Variants in RPS6KA2 observed in about 807,000 individuals in gnomAD.
The protein encoded by RPS6KA2 is ribosomal protein S6 kinase A2.
Under a neutral mutation model 91.8 loss-of-function variants are expected in RPS6KA2, and 42 were observed. The observed-to-expected ratio is 0.46, with a 90% CI of 0.36 to 0.59. The LOEUF (loss-of-function observed/expected upper bound fraction) is 0.59. Ranked by LOEUF, RPS6KA2 falls within the 20% of genes least tolerant of loss-of-function variation. The probability of loss-of-function intolerance (pLI) is 0.00; values close to 1 mark genes in which losing one functional copy is unlikely to be tolerated. For missense variants in RPS6KA2, 798 were observed against 978.5 expected, an observed-to-expected ratio of 0.82 and a Z score of 2.46; for synonymous variants, 414 against 393.6, an observed-to-expected ratio of 1.05 and a Z score of -0.61.
At chr6:166,756,770 C>T (rs748814201) in intron 2 of RPS6KA2, among the ~76,000 whole-genome samples, 7 of 152,152 alleles carry the variant, frequency 4.6e-5, no homozygotes, top group South Asian at 2.1e-4. Flanking sequence ...TGCTTGAACC[C>T]GGGAGGCGGA....
At chr6:166,861,968 C>G (rs1781056572) in intron 1 of RPS6KA2, 7 of 1,045,518 alleles carry the variant, frequency 6.7e-6, no homozygotes, top group African/African-American at 1.6e-5. Flanking sequence ...TATACATCCA[C>G]ACACACTGGA....
intron 2 of RPS6KA2, among the ~76,000 whole-genome samples, chr6:166,664,754 T>C (rs1788267982): frequency 6.6e-6 from 1 of 152,198 alleles, no homozygotes; most frequent in Non-Finnish European, 1.5e-5. Flanking sequence ...AAGAAAATAT[T>C]CTATTAAGTG....
chr6:166,791,782 A>C (rs1191985175), intron 2 of RPS6KA2, among the ~76,000 whole-genome samples: 1 of 151,616 alleles, frequency 6.6e-6, no homozygotes, highest in Non-Finnish European at 1.5e-5. Flanking sequence ...ACATAACGAA[A>C]TGAAGGCAGA....
intron 2 of RPS6KA2, among the ~76,000 whole-genome samples, chr6:166,646,068 T>C (rs1787591959): frequency 6.6e-6 from 1 of 152,206 alleles, no homozygotes. Flanking sequence ...TGATAGCTCC[T>C]ATTGTTAGGG....
intron 2 of RPS6KA2, among the ~76,000 whole-genome samples, chr6:166,651,942 G>A (rs1409651338): frequency 2.6e-5 from 4 of 152,250 alleles, no homozygotes; most frequent in East Asian, 1.9e-4. Context: ...ACGTGGAGCC[G>A]GGATGCAGGA....
chr6:166,452,699 G>C (rs1159407668), intron 12 of RPS6KA2, among the ~76,000 whole-genome samples: 1 of 152,086 alleles, frequency 6.6e-6, no homozygotes, highest in Admixed American at 6.6e-5. Flanking sequence ...AAACTTTGTG[G>C]GGAAAAGACA....
intron 17 of RPS6KA2, among the ~76,000 whole-genome samples, chr6:166,422,251 C>A (rs1018548601): frequency 6.6e-6 from 1 of 152,160 alleles, no homozygotes; most frequent in Non-Finnish European, 1.5e-5. Flanking sequence ...TCTGGATGAC[C>A]CCTGCATAAC....
intron 2 of RPS6KA2, among the ~76,000 whole-genome samples, chr6:166,672,311 C>T (rs925209018): frequency 6.6e-6 from 1 of 152,140 alleles, no homozygotes; most frequent in African/African-American, 2.4e-5. Flanking sequence ...AAGCCGCCAA[C>T]ATTCAGGGAA....
intron 2 of RPS6KA2, among the ~76,000 whole-genome samples, chr6:166,680,456 G>A (rs948392533): frequency 2.0e-5 from 3 of 152,142 alleles, no homozygotes; most frequent in African/African-American, 4.8e-5. Context: ...CCCCTTCCAC[G>A]TTGTGGAAGG....
intron 1 of RPS6KA2, among the ~76,000 whole-genome samples, chr6:166,593,572 A>G (rs577355962): frequency 6.6e-6 from 1 of 152,220 alleles, no homozygotes; most frequent in African/African-American, 2.4e-5. Context: ...TAATTTATAA[A>G]GGAAATAATT....
intron 13 of RPS6KA2, among the ~76,000 whole-genome samples, chr6:166,450,187 C>T (rs1779839485): frequency 8.3e-6 from 1 of 120,886 alleles, no homozygotes; most frequent in Non-Finnish European, 1.7e-5. Context: ...ACCACCACAA[C>T]AGGGATCACC....
intron 2 of RPS6KA2, among the ~76,000 whole-genome samples, chr6:166,712,775 G>A (rs990212493): frequency 2.0e-5 from 3 of 152,166 alleles, no homozygotes; most frequent in African/African-American, 4.8e-5. Flanking sequence ...CCTTCCCGGC[G>A]CCCCCTTCTA....
At position 166,469,755 on chromosome 6, in the gene RPS6KA2, G is replaced by A. The variant is rs76803848; in HGVS notation, c.972+86C>T. ...CCGACCTACTTGTGACCCGGACACT[G>A]AGGACCCTCTGCACCAAGCCGTATG... On this transcript the variant is annotated intron_variant, in intron 11 of 20. Transcript: ENST00000265678. The A allele has an allele frequency of 4.9e-3, 5,903 of 1,214,026 alleles. 157 individuals carry two copies. In the African/African-American group the frequency reaches 0.06, roughly 12 times the overall value. 75.2% of individuals were successfully genotyped at this position (1,214,026 alleles called of 1,614,324 possible). A position where few individuals can be genotyped will look rare whatever the true frequency, so the allele number is the denominator to read the frequency against.
At chr6:166,692,228 G>T (rs540231482) in intron 2 of RPS6KA2, among the ~76,000 whole-genome samples, 1 of 152,086 alleles carries the variant, frequency 6.6e-6, no homozygotes, top group Admixed American at 6.5e-5. Flanking sequence ...AAAGTGAGGC[G>T]ATAGAGAGAA....
intron 1 of RPS6KA2, among the ~76,000 whole-genome samples, chr6:166,568,047 C>T (rs575628412): frequency 2.6e-5 from 4 of 152,282 alleles, no homozygotes; most frequent in African/African-American, 4.8e-5. Flanking sequence ...ATACCTCCAC[C>T]GCCAGCCCCA....
At position 166,533,991 on chromosome 6, in the gene RPS6KA2, G is replaced by A. The variant is rs1313102796; in HGVS notation, c.217-2678C>T. Among the ~76,000 whole-genome samples the A allele has an allele frequency of 6.6e-6, 1 of 152,128 alleles. No individual in the cohort carries two copies. The highest frequency in any genetic ancestry group is 1.5e-5 in the Non-Finnish European group (1 of 68,018). ...TAATCCCAGCACTTTGGGAGGCCGA[G>A]GCGGGCGGATCACGAGGTCAGGAGA... On this transcript the variant is annotated intron_variant, in intron 2 of 20. Coordinates refer to ENST00000265678, the MANE Select transcript of RPS6KA2 (RefSeq NM_021135.6). The surrounding 1 kb of genome is among the most constrained non-coding windows in gnomAD (Gnocchi z 4.0).
intron 1 of RPS6KA2, chr6:166,542,477 G>C (rs763186): frequency 0.42 from 63,135 of 152,086 alleles, 13,259 homozygotes; most frequent in South Asian, 0.56. Flanking sequence ...TGAGAGCTTT[G>C]GGAGGAGGAG....
rs1295979270 is a variant in RPS6KA2 at position 166,793,302 on chromosome 6, T to C, written c.123+64898A>G. Among the ~76,000 whole-genome samples the C allele has an allele frequency of 4.9e-5, 7 of 143,454 alleles. No individual in the cohort carries two copies. In the East Asian group the frequency reaches 6.0e-4, roughly 12 times the overall value. 94.1% of individuals were successfully genotyped at this position (143,454 alleles called of 152,430 possible). On this transcript the variant is annotated intron_variant, in intron 2 of 21. Coordinates refer to the RPS6KA2 transcript ENST00000503859. The stretch of plus-strand genomic sequence containing the variant: ...CTAGGAATCCAACTTACAAGGGATG[T>C]GAAGGACCTCTTCAAGGAGAACTAC...
intron 1 of RPS6KA2, among the ~76,000 whole-genome samples, chr6:166,615,782 C>T (rs947716772): frequency 1.3e-5 from 2 of 152,186 alleles, no homozygotes; most frequent in East Asian, 1.9e-4. Context: ...CACACCCCCC[C>T]AGGATGGGCG....
Sources: allele counts gnomAD v4.1 joint callset (sites outside exome capture counted in the v4.1 genomes callset), GRCh38; gene constraint gnomAD v4.1.1; non-coding constraint Gnocchi (gnomAD v3.1); transcripts MANE v1.5; gene names NCBI Gene and HGNC (gene_info 2026-07-23, HGNC 2026-07-21).